Variants in CNTNAP2 observed in about 807,000 individuals in gnomAD.
The protein encoded by CNTNAP2 is contactin-associated protein-like 2.
CNTNAP2 carries 98 observed loss-of-function variants against 155.2 expected under a neutral mutation model. The observed-to-expected ratio is 0.63, with a 90% confidence interval of 0.54 to 0.75. The LOEUF (loss-of-function observed/expected upper bound fraction) is 0.75. Ranked by LOEUF, CNTNAP2 falls within the 30% of genes least tolerant of loss-of-function variation. The probability of loss-of-function intolerance (pLI) is 0.00; values close to 1 mark genes in which losing one functional copy is unlikely to be tolerated. For missense variants in CNTNAP2, 1,727 were observed against 1,688.1 expected (o/e 1.02, Z -0.40); for synonymous variants, 651 against 631.2 (o/e 1.03, Z -0.47).
At chr7:148,315,589 G>C (rs750241318) in intron 21 of CNTNAP2, among the ~76,000 whole-genome samples, 1 of 152,222 alleles carries the variant, frequency 6.6e-6, no homozygotes, top group Non-Finnish European at 1.5e-5. Flanking sequence ...GGAAATGATG[G>C]CTTAGCTTGG....
At chr7:147,551,077 T>G (rs890089504) in intron 11 of CNTNAP2, among the ~76,000 whole-genome samples, 4 of 152,330 alleles carry the variant, frequency 2.6e-5, no homozygotes, top group African/African-American at 9.6e-5. Context: ...GGTTCTTATG[T>G]GCATTAAGGT....
intron 9 of CNTNAP2, among the ~76,000 whole-genome samples, chr7:147,359,089 A>C (rs766750144): frequency 6.6e-6 from 1 of 152,144 alleles, no homozygotes; most frequent in South Asian, 2.1e-4. Context: ...AACAAGCTGA[A>C]TATTTAGTTT....
chr7:146,970,508 G>A (rs1021490635), intron 3 of CNTNAP2, among the ~76,000 whole-genome samples: 6 of 152,188 alleles, frequency 3.9e-5, no homozygotes, highest in African/African-American at 1.4e-4. Flanking sequence ...AAACCACAGT[G>A]AGATACCATC....
intron 10 of CNTNAP2, among the ~76,000 whole-genome samples, chr7:147,426,307 T>G (rs1243428761): frequency 6.6e-6 from 1 of 152,100 alleles, no homozygotes; most frequent in Non-Finnish European, 1.5e-5. Flanking sequence ...TATTAAAACT[T>G]CAAGTCACAG....
chr7:147,895,265 C>T (rs546263934), intron 13 of CNTNAP2, among the ~76,000 whole-genome samples: 10 of 152,102 alleles, frequency 6.6e-5, no homozygotes, highest in African/African-American at 1.4e-4. Flanking sequence ...TGAGCCACCG[C>T]GCCCAGCTTA....
intron 8 of CNTNAP2, among the ~76,000 whole-genome samples, chr7:147,293,386 T>C (rs1243697720): frequency 6.6e-6 from 1 of 152,194 alleles, no homozygotes; most frequent in East Asian, 1.9e-4. Flanking sequence ...ATGGAATTTT[T>C]ATAGATAAGA....
chr7:146,168,283 A>T (rs1798341607), intron 1 of CNTNAP2, among the ~76,000 whole-genome samples: 1 of 152,198 alleles, frequency 6.6e-6, no homozygotes, highest in Admixed American at 6.5e-5. Context: ...ACATGAAGGA[A>T]AATTTAATAT....
intron 2 of CNTNAP2, among the ~76,000 whole-genome samples, chr7:146,800,069 A>C (rs1332872517): frequency 1.3e-5 from 2 of 152,214 alleles, no homozygotes; most frequent in Non-Finnish European, 1.5e-5. Context: ...TGCATTTGGA[A>C]TTATTAGTAA....
intron 15 of CNTNAP2, among the ~76,000 whole-genome samples, chr7:148,085,130 C>A (rs1803698239): frequency 6.6e-6 from 1 of 152,138 alleles, no homozygotes; most frequent in Non-Finnish European, 1.5e-5. Context: ...AATGTAATAT[C>A]TAAGTAAAAC....
At chr7:147,448,099 A>G (rs1797771372) in intron 10 of CNTNAP2, among the ~76,000 whole-genome samples, 1 of 152,156 alleles carries the variant, frequency 6.6e-6, no homozygotes, top group Non-Finnish European at 1.5e-5. Flanking sequence ...CTAGAATTCA[A>G]TGACACAACT....
intron 21 of CNTNAP2, among the ~76,000 whole-genome samples, chr7:148,373,177 G>T (rs775252314): frequency 5.9e-5 from 9 of 152,182 alleles, no homozygotes; most frequent in African/African-American, 9.7e-5. Flanking sequence ...AAAAAAGTAG[G>T]CCAGGTGCAG....
chr7:146,622,866 A>G (rs1001583094), intron 1 of CNTNAP2, among the ~76,000 whole-genome samples: 4 of 151,746 alleles, frequency 2.6e-5, no homozygotes, highest in African/African-American at 9.7e-5. Context: ...CTGAGACAGG[A>G]GAATTGCTTG....
chr7:148,074,639 G>A (rs1401792062), intron 15 of CNTNAP2, among the ~76,000 whole-genome samples: 2 of 151,534 alleles, frequency 1.3e-5, no homozygotes, highest in Admixed American at 1.3e-4. Flanking sequence ...AGTGAGCCGA[G>A]ATTGCGCCAC....
At chr7:147,774,395 G>A (rs10265480) in intron 13 of CNTNAP2, among the ~76,000 whole-genome samples, 7,499 of 152,206 alleles carry the variant, frequency 0.049, 269 homozygotes, top group East Asian at 0.18. Flanking sequence ...AGACAGATAT[G>A]ACAACATGGT....
chr7:147,093,240 CAAA>C (rs530286124), intron 4 of CNTNAP2, among the ~76,000 whole-genome samples: 3 of 54,344 alleles, frequency 5.5e-5, no homozygotes, highest in African/African-American at 5.1e-5. Flanking sequence ...GACTCCATCT[CAAA>C]AAAAAAAAAA....
chr7:146,693,842 G>T (rs746287129), intron 1 of CNTNAP2, among the ~76,000 whole-genome samples: 1 of 151,936 alleles, frequency 6.6e-6, no homozygotes, highest in Non-Finnish European at 1.5e-5. Context: ...TAGGTATTAA[G>T]CATAGCATGC....
rs1456913494 is a variant in CNTNAP2 at position 148,419,853 on chromosome 7, G to A, written c.*4237G>A. On this transcript the variant is annotated 3_prime_UTR_variant, in exon 24 of 24. Transcript: ENST00000361727. ...GTGGGACCCTCCCTGTGTGACCTTG[G>A]TCAAGTCCTCGAACTTTTGTCCCGT... 1.3e-5 allele frequency: 2 copies of A among 152,162 alleles called. No homozygotes were observed. Among genetic ancestry groups the A allele is most frequent in the African/African-American group, 4.8e-5 (2 of 41,406 alleles). The allele number at this position is 152,162 out of a possible 1,614,324, so 9.4% of individuals were successfully genotyped here. A position where few individuals can be genotyped will look rare whatever the true frequency, so the allele number is the denominator to read the frequency against.
intron 12 of CNTNAP2, among the ~76,000 whole-genome samples, chr7:147,586,563 G>A (rs74913909): frequency 0.15 from 6,192 of 41,764 alleles, 381 homozygotes; most frequent in East Asian, 0.29. Flanking sequence ...GGGAGGGAGG[G>A]AGGGAGGGAG....
chr7:146,296,828 C>A (rs1275645056), intron 1 of CNTNAP2, among the ~76,000 whole-genome samples: 1 of 151,866 alleles, frequency 6.6e-6, no homozygotes, highest in Non-Finnish European at 1.5e-5. Flanking sequence ...TTTTAAGTTG[C>A]ATAAATTATA....
Sources: allele counts gnomAD v4.1 joint callset (sites outside exome capture counted in the v4.1 genomes callset), GRCh38; gene constraint gnomAD v4.1.1; transcripts MANE v1.5; gene names NCBI Gene and HGNC (gene_info 2026-07-23, HGNC 2026-07-21).